Variants in BTBD2 observed in about 807,000 individuals in gnomAD.
BTBD2 encodes the protein BTB/POZ domain-containing protein 2.
BTBD2 carries 15 observed loss-of-function variants against 44.0 expected under a neutral mutation model. The ratio of observed to expected loss-of-function variants is 0.34; its 90% CI spans 0.23 to 0.53. The LOEUF is 0.53. BTBD2 is among the 20% of genes least tolerant of loss of function. The pLI, the probability that BTBD2 is intolerant of heterozygous loss-of-function variation, is 0.95. For missense variants in BTBD2, 657 were observed against 746.4 expected, an observed-to-expected ratio of 0.88 and a Z score of 1.39; for synonymous variants, 443 against 335.9, an observed-to-expected ratio of 1.32 and a Z score of -3.49.
At chr19:2,006,156 T>A (rs117009197) in intron 1 of BTBD2, among the ~76,000 whole-genome samples, 24 of 152,104 alleles carry the variant, frequency 1.6e-4, no homozygotes, top group Non-Finnish European at 3.1e-4. Context: ...TAGACACACA[T>A]GGCTATTTAA....
intron 1 of BTBD2, among the ~76,000 whole-genome samples, chr19:2,008,589 C>CTTTTTT (rs34228593): frequency 4.7e-5 from 6 of 126,574 alleles, no homozygotes; most frequent in African/African-American, 1.2e-4. Flanking sequence ...CTGTGCCCAG[C>CTTTTTT]TTTTTTTTTT....
chr19:2,015,633 C>T lies in BTBD2; in HGVS notation c.71G>A (p.Gly24Asp), dbSNP rs2016526445. The change falls in exon 1 of 9, where the codon GGC becomes GAC. Residue 24 changes from glycine to aspartate, a missense_variant. By Grantham distance (94) the Gly-to-Asp change is moderately conservative. Coordinates refer to ENST00000255608, the MANE Select transcript of BTBD2 (RefSeq NM_017797.4). ...GGCGTTGGCGCTGGGCCCGGGACTG[C>T]CCCCCGTGCCCGGGCCGACCCCGAC... is the stretch of plus-strand genomic sequence containing the variant. ...PGVGVGPGTG[G>D]SPGPSANAAA... is the part of the protein sequence containing the mutation. The T allele has an allele frequency of 5.1e-6, 5 of 982,644 alleles. No individual in the cohort carries two copies. The African/African-American group carries it at 5.6e-5, about 11-fold the overall frequency. The allele number at this position is 982,644 out of a possible 1,614,324, so 60.9% of individuals were successfully genotyped here. A position where few individuals can be genotyped will look rare whatever the true frequency, so the allele number is the denominator to read the frequency against.
rs1438087356 is a variant in BTBD2, at chr19:2,015,595, C to T, written c.109G>A (p.Ala37Thr). The T allele has an allele frequency of 6.2e-6, 6 of 968,984 alleles. No homozygotes were observed. Among genetic ancestry groups the T allele is most frequent in the Non-Finnish European group, 7.3e-6 (6 of 821,904 alleles). The allele number at this position is 968,984 out of a possible 1,614,324, so 60.0% of individuals were successfully genotyped here. The change falls in exon 1 of 9, where the codon GCC (alanine) becomes ACC (threonine). Residue 37 changes from alanine to threonine, a missense_variant. By Grantham distance (58) the Ala-to-Thr change is moderately conservative. Coordinates refer to ENST00000255608, the MANE Select transcript of BTBD2 (RefSeq NM_017797.4). ...GPSANAAATP[A>T]PGNAAAAAAA... ...GCGGCGGCGGCCGCGTTGCCGGGGGCCGGGGTGGCGGCGGCGTTGGCGCTG... is the reference window on the plus strand; with the variant it reads ...GCGGCGGCGGCCGCGTTGCCGGGGGTCGGGGTGGCGGCGGCGTTGGCGCTG...
chr19:1,988,023 G>A (rs536571758), intron 5 of BTBD2: 7 of 289,896 alleles, frequency 2.4e-5, no homozygotes, highest in African/African-American at 1.3e-4. Context: ...GGGTGGGGGC[G>A]GGGGGCTCCA....
chr19:1,996,492 T>TTTC (rs1428497159), intron 2 of BTBD2, among the ~76,000 whole-genome samples: 1 of 140,618 alleles, frequency 7.1e-6, no homozygotes, highest in Admixed American at 7.2e-5. Flanking sequence ...TTTTTGTTGT[T>TTTC]GTTGTTATTT....
At chr19:2,011,348 T>C (rs2016462066) in intron 1 of BTBD2, among the ~76,000 whole-genome samples, 1 of 151,876 alleles carries the variant, frequency 6.6e-6, no homozygotes, top group Non-Finnish European at 1.5e-5. Flanking sequence ...CTGCAGCTGC[T>C]ACTCCCCAGC....
At chr19:2,009,688 A>G (rs920240327) in intron 1 of BTBD2, among the ~76,000 whole-genome samples, 2 of 151,012 alleles carry the variant, frequency 1.3e-5, no homozygotes, top group Admixed American at 6.6e-5. Flanking sequence ...TGTCTCTACT[A>G]AAAATACAAA....
At position 1,987,713 on chromosome 19, in the gene BTBD2, G is replaced by A. The variant is rs375769877; in HGVS notation, c.989-21C>T. ...GGGACCTGCAGCACAGGGAGGGTGT[G>A]GGGGAGGGCCGGGCTGCACCCCAGG... On this transcript the variant is annotated intron_variant, in intron 5 of 8. Coordinates refer to ENST00000255608, the MANE Select transcript of BTBD2 (RefSeq NM_017797.4). 6 of 1,569,216 alleles carry A rather than the reference G, an allele frequency of 3.8e-6. No homozygotes were observed. The African/African-American group carries it at 6.7e-5, about 18-fold the overall frequency.
Position 1,997,355 on chromosome 19 carries a change from G to A in BTBD2, c.516C>T (p.Leu172=), listed in dbSNP as rs143677178. ...TCCGGAAGCATTACTTGAGCAGTGC[G>A]AGGAAGGCAGCGGGTTCCACGTCGG... The part of the protein sequence containing the change: ...ELPDVEPAAF[L]ALLKFLYSDE... Residue 172 remains leucine, a synonymous_variant, in exon 2 of 9, where the codon CTC becomes CTT. Coordinates refer to ENST00000255608, the MANE Select transcript of BTBD2 (RefSeq NM_017797.4). The A allele has an allele frequency of 1.0e-3, 1,629 of 1,614,164 alleles. 7 individuals are homozygous for A. Among genetic ancestry groups the A allele is most frequent in the Non-Finnish European group, 1.0e-3 (1,188 of 1,180,032 alleles).
chr19:2,004,485 C>G (rs1302919014), intron 1 of BTBD2, among the ~76,000 whole-genome samples: 1 of 151,594 alleles, frequency 6.6e-6, no homozygotes, highest in Non-Finnish European at 1.5e-5. Context: ...TTAGTAGAGA[C>G]GGGGTTTCTC....
intron 2 of BTBD2, 124 bp downstream of exon 2, chr19:1,997,220 C>T (rs1392011547): frequency 5.6e-6 from 8 of 1,432,932 alleles, no homozygotes; most frequent in Admixed American, 2.2e-5. Context: ...CCTCATTGCA[C>T]AGGAACGTTC....
chr19:2,010,634 TCCC>T (rs910765921), intron 1 of BTBD2, among the ~76,000 whole-genome samples: 1 of 145,518 alleles, frequency 6.9e-6, no homozygotes, highest in Non-Finnish European at 1.5e-5. Flanking sequence ...CGTCCCGACA[TCCC>T]CCCACCTTTT....
chr19:1,988,970 T>G (rs1411692107), intron 5 of BTBD2, among the ~76,000 whole-genome samples: 3 of 152,076 alleles, frequency 2.0e-5, no homozygotes, highest in Non-Finnish European at 2.9e-5. Context: ...TGGAGTGCAG[T>G]GGCGCGATCT....
chr19:1,989,889 C>G, intron 5 of BTBD2, 115 bp downstream of exon 5: 1 of 1,218,282 alleles, frequency 8.2e-7, no homozygotes, highest in Non-Finnish European at 1.2e-6. Flanking sequence ...TCTGTATATG[C>G]CAGGCATCTG....
chr19:2,004,938 G>C (rs2016376360), intron 1 of BTBD2, among the ~76,000 whole-genome samples: 1 of 151,732 alleles, frequency 6.6e-6, no homozygotes, highest in South Asian at 2.1e-4. Flanking sequence ...TCCTGCCTCA[G>C]CCTCCCGAGT....
At chr19:2,013,775 G>T in intron 1 of BTBD2, 1 of 726,732 alleles carries the variant, frequency 1.4e-6, no homozygotes, top group Non-Finnish European at 1.7e-6. Flanking sequence ...GCTGAGCCTG[G>T]GGGTCTCCGG....
intron 1 of BTBD2, among the ~76,000 whole-genome samples, chr19:2,012,222 G>A (rs891339925): frequency 4.7e-5 from 7 of 149,850 alleles, no homozygotes; most frequent in South Asian, 2.1e-4. Flanking sequence ...GCGCAATCTC[G>A]GTTCCCTGCA....
At chr19:1,987,350 C>T in intron 6 of BTBD2, 97 bp from the exon 7 acceptor site, 2 of 1,443,894 alleles carry the variant, frequency 1.4e-6, no homozygotes, top group South Asian at 2.4e-5. Context: ...CCTCCATCGT[C>T]CCTGAGTCCT....
At chr19:2,010,000 C>A (rs2016443555) in intron 1 of BTBD2, among the ~76,000 whole-genome samples, 1 of 151,568 alleles carries the variant, frequency 6.6e-6, no homozygotes, top group African/African-American at 2.4e-5. Context: ...CTAAAAAATA[C>A]AATTAGCCAA....
Sources: gnomAD v4.1 joint callset for allele counts (sites outside exome capture counted in the v4.1 genomes callset) on GRCh38, gnomAD v4.1.1 for gene constraint, MANE v1.5 for transcripts, NCBI Gene and HGNC (gene_info 2026-07-23, HGNC 2026-07-21) for gene names.